Variants in TMEFF1 observed in about 807,000 individuals in gnomAD.
TMEFF1 encodes the protein tomoregulin-1.
In TMEFF1, 20 loss-of-function variants were observed where a neutral mutation model predicts 47.5. That is an observed-to-expected ratio of 0.42 (90% CI 0.30 to 0.61). TMEFF1 has a LOEUF of 0.61. TMEFF1 is among the 20% of genes least tolerant of loss of function. The pLI is 0.19. For synonymous variants in TMEFF1, 162 were observed against 166.3 expected, an observed-to-expected ratio of 0.97 and a Z score of 0.20; for missense variants, 411 against 471.1, an observed-to-expected ratio of 0.87 and a Z score of 1.18.
At chr9:100,496,856 G>T (rs1190970190) in intron 1 of TMEFF1, among the ~76,000 whole-genome samples, 2 of 152,174 alleles carry the variant, frequency 1.3e-5, no homozygotes, top group African/African-American at 4.8e-5. Context: ...TACAGAGAAA[G>T]GAGAAAAGAC....
chr9:100,551,771 A>G (rs1838830892), intron 7 of TMEFF1, among the ~76,000 whole-genome samples: 1 of 152,242 alleles, frequency 6.6e-6, no homozygotes, highest in Non-Finnish European at 1.5e-5. Flanking sequence ...ATGCATCTTT[A>G]AAGTTCTTGT....
chr9:100,521,831 T>G (rs1028937435), intron 5 of TMEFF1, among the ~76,000 whole-genome samples: 1 of 152,258 alleles, frequency 6.6e-6, no homozygotes, highest in Non-Finnish European at 1.5e-5. Flanking sequence ...CCTGCTCTTC[T>G]GCCTTTTTTA....
At chr9:100,525,477 C>T (rs1838237638) in intron 5 of TMEFF1, among the ~76,000 whole-genome samples, 1 of 151,918 alleles carries the variant, frequency 6.6e-6, no homozygotes, top group Non-Finnish European at 1.5e-5. Context: ...AAAGCAAGGT[C>T]CAGAAGGGTC....
intron 1 of TMEFF1, among the ~76,000 whole-genome samples, chr9:100,497,105 C>T (rs1837663879): frequency 6.6e-6 from 1 of 152,006 alleles, no homozygotes; most frequent in South Asian, 2.1e-4. Context: ...ATCCCTATAC[C>T]TAGGATTGAG....
At chr9:100,485,333 G>A (rs1587814669) in intron 1 of TMEFF1, among the ~76,000 whole-genome samples, 1 of 152,276 alleles carries the variant, frequency 6.6e-6, no homozygotes, top group East Asian at 1.9e-4. Context: ...ACCTAGGAGT[G>A]GAATTCCTGG....
intron 1 of TMEFF1, among the ~76,000 whole-genome samples, chr9:100,489,382 G>T (rs1837509238): frequency 6.6e-6 from 1 of 151,972 alleles, no homozygotes. Flanking sequence ...TTTGCATGGG[G>T]GTTTCACCAT....
chr9:100,550,765 T>C (rs1838816440), intron 7 of TMEFF1, among the ~76,000 whole-genome samples: 1 of 152,224 alleles, frequency 6.6e-6, no homozygotes, highest in Admixed American at 6.5e-5. Context: ...TCATGTTCAC[T>C]CTGTATCCCT....
chr9:100,498,394 A>T (rs954275067), intron 1 of TMEFF1, among the ~76,000 whole-genome samples: 1 of 152,140 alleles, frequency 6.6e-6, no homozygotes, highest in Non-Finnish European at 1.5e-5. Context: ...CATTAGCCTT[A>T]AAAGTAACTT....
chr9:100,531,573 C>T (rs963071789), intron 5 of TMEFF1, among the ~76,000 whole-genome samples: 26 of 151,976 alleles, frequency 1.7e-4, no homozygotes, highest in Admixed American at 1.3e-4. Context: ...AACCACTGCT[C>T]AATAAAATAA....
chr9:100,576,562 G>A lies in TMEFF1; in HGVS notation c.1105G>A (p.Gly369Ser), dbSNP rs775464550. 2 of 1,612,802 alleles carry A rather than the reference G, an allele frequency of 1.2e-6. No individual in the cohort carries two copies. The highest frequency in any genetic ancestry group is 1.3e-5 in the African/African-American group (1 of 74,722). ...NRGRRQKQNL[G>S]HFTSDTSSRM... ...AGGACGTCGACAGAAGCAAAACCTAGGTCATTTTACTTCAGATACGTCATC... is the reference window on the plus strand; with the variant it reads ...AGGACGTCGACAGAAGCAAAACCTAAGTCATTTTACTTCAGATACGTCATC... The change falls in exon 10 of 10, where the codon GGT becomes AGT. Residue 369 changes from glycine to serine, a missense_variant. Transcript: ENST00000374879.
intron 8 of TMEFF1, 67 bp downstream of exon 8, chr9:100,561,587 G>A (rs1401529005): frequency 2.0e-6 from 3 of 1,480,680 alleles, no homozygotes; most frequent in African/African-American, 1.4e-5. Flanking sequence ...TCTATAGAAG[G>A]GAATGAAATG....
intron 8 of TMEFF1, 142 bp from the exon 9 acceptor site, chr9:100,572,376 A>G: frequency 1.1e-6 from 1 of 948,152 alleles, no homozygotes; most frequent in Non-Finnish European, 1.4e-6. Flanking sequence ...TACAAATGAC[A>G]TTTTTCCCCC....
At chr9:100,515,940 T>C (rs1413864799) in intron 4 of TMEFF1, among the ~76,000 whole-genome samples, 1 of 152,208 alleles carries the variant, frequency 6.6e-6, no homozygotes, top group East Asian at 1.9e-4. Context: ...ATTATCAGGA[T>C]ATGATCCACT....
chr9:100,490,669 T>C (rs1192586180), intron 1 of TMEFF1, among the ~76,000 whole-genome samples: 1 of 151,226 alleles, frequency 6.6e-6, no homozygotes, highest in Non-Finnish European at 1.5e-5. Context: ...TAGCAAACTG[T>C]CTCTGGGGTT....
At chr9:100,526,955 CAAAA>C (rs55736750) in intron 5 of TMEFF1, among the ~76,000 whole-genome samples, 136 of 38,972 alleles carry the variant, frequency 3.5e-3, no homozygotes, top group Middle Eastern at 0.026. Context: ...GCTAAAAATA[CAAAA>C]AAAAAAAAAA....
intron 7 of TMEFF1, among the ~76,000 whole-genome samples, chr9:100,550,772 C>G (rs766072819): frequency 1.1e-4 from 16 of 152,202 alleles, no homozygotes; most frequent in Non-Finnish European, 1.9e-4. Flanking sequence ...CACTCTGTAT[C>G]CCTAACCCTA....
intron 7 of TMEFF1, among the ~76,000 whole-genome samples, chr9:100,552,736 G>A (rs1238824096): frequency 1.3e-5 from 2 of 152,048 alleles, no homozygotes; most frequent in African/African-American, 4.8e-5. Context: ...GGTGGTACGC[G>A]ATGTGGTCGC....
intron 5 of TMEFF1, among the ~76,000 whole-genome samples, chr9:100,531,347 C>G (rs1838373305): frequency 6.6e-6 from 1 of 152,226 alleles, no homozygotes; most frequent in African/African-American, 2.4e-5. Context: ...CCGACTGTCT[C>G]AGCCCAAAAT....
rs758448299 is a variant in TMEFF1, at chr9:100,473,694, C to G, written c.150C>G (p.Ser50Arg). The G allele has an allele frequency of 6.5e-7, 1 of 1,533,796 alleles. No individual in the cohort carries two copies. The highest frequency in any genetic ancestry group is 1.2e-5 in the South Asian group (1 of 81,640). The change falls in exon 1 of 10, where the codon AGC (serine) becomes AGG (arginine). Residue 50 changes from serine to arginine, a missense_variant. Coordinates refer to ENST00000374879, the MANE Select transcript of TMEFF1 (RefSeq NM_003692.5). The surrounding 1 kb of genome is among the most constrained non-coding windows in gnomAD (Gnocchi z 5.4). ...SNQPPGGGGG[S>R]GGDCPGGKGK... ...AGCCCCCGGGTGGTGGCGGCGGCAG[C>G]GGCGGGGACTGTCCCGGCGGCAAAG...
Sources: allele counts gnomAD v4.1 joint callset (sites outside exome capture counted in the v4.1 genomes callset), GRCh38; gene constraint gnomAD v4.1.1; non-coding constraint Gnocchi (gnomAD v3.1); transcripts MANE v1.5; gene names NCBI Gene and HGNC (gene_info 2026-07-23, HGNC 2026-07-21).